The following RIMKLB variants were observed in gnomAD, a reference collection of about 807,000 sequenced individuals.
RIMKLB encodes beta-citrylglutamate synthase B.
Under a neutral mutation model 32.0 loss-of-function variants are expected in RIMKLB, and 7 were observed. The ratio of observed to expected loss-of-function variants is 0.22; its 90% CI spans 0.12 to 0.41. RIMKLB has a LOEUF of 0.41. RIMKLB is among the 10% of genes least tolerant of loss of function. The pLI is 1.00. For missense variants in RIMKLB, 289 were observed against 498.7 expected (o/e 0.58, Z 4.00); for synonymous variants, 172 against 185.1 (o/e 0.93, Z 0.57).
chr12:8,732,085 C>CCTAGAA (rs911978517), intron 2 of RIMKLB, among the ~76,000 whole-genome samples: 1 of 151,776 alleles, frequency 6.6e-6, no homozygotes, highest in African/African-American at 2.4e-5. Flanking sequence ...GGTCCCTTGG[C>CCTAGAA]CTAGAACTAG....
intron 2 of RIMKLB, among the ~76,000 whole-genome samples, chr12:8,733,811 G>A (rs1946758925): frequency 6.6e-6 from 1 of 152,214 alleles, no homozygotes; most frequent in Admixed American, 6.6e-5. Flanking sequence ...TTGAGCACAG[G>A]AATTGGAGGC....
exon 8 of RIMKLB, chr12:8,782,936 T>C (rs1431403102): frequency 2.6e-5 from 4 of 152,208 alleles, no homozygotes; most frequent in Non-Finnish European, 5.9e-5. Flanking sequence ...ACCAGTGATC[T>C]TTTTTGCTTA....
At chr12:8,701,878 G>A (rs760552090) in intron 1 of RIMKLB, among the ~76,000 whole-genome samples, 29 of 151,600 alleles carry the variant, frequency 1.9e-4, no homozygotes, top group South Asian at 6.2e-4. Flanking sequence ...GGTGGTGTGC[G>A]TCTGTAATCT....
chr12:8,682,652 G>A (rs951063977), intron 1 of RIMKLB, among the ~76,000 whole-genome samples: 1 of 151,808 alleles, frequency 6.6e-6, no homozygotes. Context: ...GGCGCCTGTA[G>A]TCCCAGCTAC....
chr12:8,698,571 GA>G (rs1471127292), intron 1 of RIMKLB, among the ~76,000 whole-genome samples: 1 of 152,170 alleles, frequency 6.6e-6, no homozygotes, highest in Non-Finnish European at 1.5e-5. Context: ...GAGCCGTGTC[GA>G]GGGGGCGGCG....
intron 2 of RIMKLB, among the ~76,000 whole-genome samples, chr12:8,717,411 A>G (rs1944969908): frequency 6.6e-6 from 1 of 151,956 alleles, no homozygotes. Context: ...AGTAGAAGGC[A>G]TAGAAGTTCT....
chr12:8,669,522 GTAA>G, the RIMKLB span, among the ~76,000 whole-genome samples: 1 of 152,014 alleles, frequency 6.6e-6, no homozygotes, highest in African/African-American at 2.4e-5. Context: ...ATGTAAATTA[GTAA>G]TAATGGCTAA....
At position 8,749,932 on chromosome 12, in the gene RIMKLB, G is replaced by C. The variant is rs1409187820; in HGVS notation, c.246G>C (p.Trp82Cys). 4 of 1,613,680 alleles carry C rather than the reference G, an allele frequency of 2.5e-6. No individual in the cohort carries two copies. Among genetic ancestry groups the C allele is most frequent in the Non-Finnish European group, 3.4e-6 (4 of 1,179,758 alleles). Residue 82 changes from tryptophan (W) to cysteine (C), a missense_variant, in exon 3 of 6, where the codon TGG becomes TGC. Physicochemically the swap from Trp to Cys is radical, Grantham distance 215. Around this residue, in one of 3 missense-constraint regions of RIMKLB, gnomAD observed 156 missense variants for 329.5 expected, o/e 0.47. Coordinates refer to ENST00000535829, the MANE Select transcript of RIMKLB (RefSeq NM_001297776.2). ...QVVVVRVPTPWVQSDSDITVL... is the reference protein window; with the variant it reads ...QVVVVRVPTPCVQSDSDITVL... Reference sequence around the variant, plus strand: ...TGGTAGTCAGAGTACCAACCCCTTGGGTGCAAAGTGATAGTGACATCACTG... The same window carrying C: ...TGGTAGTCAGAGTACCAACCCCTTGCGTGCAAAGTGATAGTGACATCACTG...
chr12:8,769,443 G>C (rs1051488097), intron 5 of RIMKLB, among the ~76,000 whole-genome samples: 13 of 151,968 alleles, frequency 8.6e-5, no homozygotes, highest in African/African-American at 2.9e-4. Flanking sequence ...GCTAAGTTTT[G>C]TTTTTTATTC....
chr12:8,712,408 A>G (rs1015081785), intron 1 of RIMKLB, among the ~76,000 whole-genome samples: 3 of 152,260 alleles, frequency 2.0e-5, no homozygotes, highest in African/African-American at 4.8e-5. Flanking sequence ...GTGAAACTCT[A>G]TCTCAAAATA....
In RIMKLB at chr12:8,709,085, G is replaced by A. The variant is rs193080158; in HGVS notation, c.-56-4726G>A. Reference sequence around the variant, plus strand: ...ATATGTGGACATTTGCAATTGCTGCGTTTATGTTTCGCTACTGGAGAATAT... The same window carrying A: ...ATATGTGGACATTTGCAATTGCTGCATTTATGTTTCGCTACTGGAGAATAT... On this transcript the variant is annotated intron_variant, in intron 1 of 5. Coordinates refer to ENST00000535829, the MANE Select transcript of RIMKLB (RefSeq NM_001297776.2). Among the ~76,000 whole-genome samples, 29 of 152,248 alleles carry A rather than the reference G, an allele frequency of 1.9e-4. No individual in the cohort carries two copies. The East Asian group carries it at 4.2e-3, about 22-fold the overall frequency.
At chr12:8,689,014 T>G (rs1230760428) in intron 1 of RIMKLB, among the ~76,000 whole-genome samples, 1 of 152,186 alleles carries the variant, frequency 6.6e-6, no homozygotes, top group Non-Finnish European at 1.5e-5. Context: ...TTTTCTATTT[T>G]TAGTAGAGAC....
chr12:8,777,215 CTTTTTTTTTTTT>C (rs35828763), downstream of RIMKLB: 102 of 703,906 alleles, frequency 1.4e-4, no homozygotes, highest in Middle Eastern at 2.3e-3. Context: ...TGCTTGCTTT[CTTTTTTTTTTTT>C]TTTTTTTTTT....
chr12:8,756,724 C>T (rs1209991838), intron 5 of RIMKLB, among the ~76,000 whole-genome samples: 1 of 125,482 alleles, frequency 8.0e-6, no homozygotes, highest in African/African-American at 3.1e-5. Context: ...TGGAGTCTTG[C>T]TCTGCCACCC....
Position 8,744,438 on chromosome 12 carries a change from A to T in RIMKLB, c.176-5424A>T, listed in dbSNP as rs150123182. Reference sequence around the variant, plus strand: ...TTTTGCTTTCTTTATCCCATTTTTAAAAAGGAGCAAAAGCTGTTTCCAGGT... The same window carrying T: ...TTTTGCTTTCTTTATCCCATTTTTATAAAGGAGCAAAAGCTGTTTCCAGGT... On this transcript the variant is annotated intron_variant, in intron 2 of 5. Coordinates refer to ENST00000535829, the MANE Select transcript of RIMKLB (RefSeq NM_001297776.2). Among the ~76,000 whole-genome samples the T allele has an allele frequency of 1.6e-3, 239 of 151,970 alleles. 4 individuals are homozygous for T. Among genetic ancestry groups the T allele is most frequent in the African/African-American group, 5.2e-3 (215 of 41,256 alleles).
intron 2 of RIMKLB, among the ~76,000 whole-genome samples, chr12:8,727,732 C>G (rs1446383925): frequency 1.3e-5 from 2 of 152,072 alleles, no homozygotes; most frequent in African/African-American, 4.8e-5. Flanking sequence ...AACCCTGTCT[C>G]TACTAAAAAT....
At chr12:8,730,009 G>C (rs997178057) in intron 2 of RIMKLB, among the ~76,000 whole-genome samples, 14 of 152,116 alleles carry the variant, frequency 9.2e-5, no homozygotes, top group Non-Finnish European at 2.9e-5. Flanking sequence ...CAAGTCCTTG[G>C]GATAATACTG....
chr12:8,737,989 C>T (rs1306209310), intron 2 of RIMKLB, among the ~76,000 whole-genome samples: 2 of 152,184 alleles, frequency 1.3e-5, no homozygotes, highest in East Asian at 1.9e-4. Flanking sequence ...GCTAGGATTA[C>T]AGGTGTGAGC....
intron 5 of RIMKLB, among the ~76,000 whole-genome samples, chr12:8,769,786 A>G (rs1053843617): frequency 1.3e-5 from 2 of 152,134 alleles, no homozygotes; most frequent in Non-Finnish European, 2.9e-5. Context: ...TCACTGTATC[A>G]TCATAATAAT....
Sources: allele counts gnomAD v4.1 joint callset (sites outside exome capture counted in the v4.1 genomes callset), GRCh38; gene constraint gnomAD v4.1.1; regional missense constraint gnomAD v4.1.1; transcripts MANE v1.5; gene names NCBI Gene and HGNC (gene_info 2026-07-23, HGNC 2026-07-21).